The following WDR59 variants were observed in gnomAD, a reference collection of about 807,000 sequenced individuals.
The protein encoded by WDR59 is WD repeat domain 59.
Under a neutral mutation model 131.2 loss-of-function variants are expected in WDR59, and 100 were observed. The observed-to-expected ratio is 0.76, with a 90% CI of 0.65 to 0.90. WDR59 has a LOEUF of 0.90. Ranked by LOEUF, WDR59 falls within the 40% of genes least tolerant of loss-of-function variation. The probability of loss-of-function intolerance (pLI) is 0.00; values close to 1 mark genes in which losing one functional copy is unlikely to be tolerated. For missense variants in WDR59, 1,203 were observed against 1,262.2 expected, an observed-to-expected ratio of 0.95 and a Z score of 0.71; for synonymous variants, 601 against 466.2, an observed-to-expected ratio of 1.29 and a Z score of -3.72.
intron 25 of WDR59, among the ~76,000 whole-genome samples, chr16:74,876,572 C>T (rs1439659081): frequency 6.6e-6 from 1 of 152,108 alleles, no homozygotes; most frequent in Admixed American, 6.6e-5. Context: ...TACAGTGAAT[C>T]GGATTAAATA....
chr16:74,892,646 G>A, intron 19 of WDR59, 81 bp from the exon 20 acceptor site: 1 of 1,161,066 alleles, frequency 8.6e-7, no homozygotes. Flanking sequence ...ACAGACAGAT[G>A]AGAACCTGAC....
chr16:74,916,816 G>A (rs536198318), intron 11 of WDR59, among the ~76,000 whole-genome samples: 2 of 150,642 alleles, frequency 1.3e-5, no homozygotes, highest in East Asian at 2.0e-4. Flanking sequence ...CAAAGATCAC[G>A]TGGCTGCACT....
In WDR59 at chr16:74,978,614, T is replaced by C. The variant is rs181017981; in HGVS notation, c.54+6350A>G. Among the ~76,000 whole-genome samples the C allele has an allele frequency of 5.3e-5, 8 of 152,312 alleles. No individual in the cohort carries two copies. The East Asian group carries it at 5.8e-4, about 11-fold the overall frequency. On this transcript the variant is annotated intron_variant, in intron 1 of 25. Coordinates refer to ENST00000262144, the MANE Select transcript of WDR59 (RefSeq NM_030581.4). ...AGCTGCCAGAGATAAGGGATGGAGA[T>C]TGAGTACACAGGGGGACCAAGGAAC...
At chr16:74,912,671 A>C (rs372714161) in intron 13 of WDR59, among the ~76,000 whole-genome samples, 1 of 152,220 alleles carries the variant, frequency 6.6e-6, no homozygotes, top group Admixed American at 6.5e-5. Flanking sequence ...GTGGAGTGGG[A>C]AATCAGGGGT....
intron 19 of WDR59, 115 bp downstream of exon 19, chr16:74,893,564 T>C (rs1020413211): frequency 7.8e-6 from 9 of 1,155,138 alleles, no homozygotes; most frequent in Middle Eastern, 4.1e-4. Flanking sequence ...AGCTAATACA[T>C]TGGGCTTTTC....
At chr16:74,892,030 A>C (rs1965069613) in intron 20 of WDR59, among the ~76,000 whole-genome samples, 1 of 152,204 alleles carries the variant, frequency 6.6e-6, no homozygotes, top group African/African-American at 2.4e-5. Flanking sequence ...ATACAGAGAT[A>C]ATTTGTTATA....
Position 74,916,208 on chromosome 16 carries a change from A to C in WDR59, c.1018T>G (p.Ser340Ala). The change falls in exon 12 of 26, where the codon TCC becomes GCC. Residue 340 changes from serine (S) to alanine (A), a missense_variant. Coordinates refer to ENST00000262144, the MANE Select transcript of WDR59 (RefSeq NM_030581.4). ...GTCTTCTCAGGTTCCGGCAGAAGGGAAATACTCTCAATGAACTCATCAACA... is the reference window on the plus strand; with the variant it reads ...GTCTTCTCAGGTTCCGGCAGAAGGGCAATACTCTCAATGAACTCATCAACA... ...DGVDEFIESI[S>A]LLPEPEKTLH... 1 of 1,614,016 alleles carries C rather than the reference A, an allele frequency of 6.2e-7. No individual in the cohort carries two copies. The highest frequency in any genetic ancestry group is 8.5e-7 in the Non-Finnish European group (1 of 1,179,928).
Position 74,985,066 on chromosome 16 carries a change from C to T in WDR59, c.-49G>A. Reference sequence around the variant, plus strand: ...CCCAGGACGGCGCCCTCCCACCCCGCCGTCCCCAGTATCCCGGGACCGTGC... The same window carrying T: ...CCCAGGACGGCGCCCTCCCACCCCGTCGTCCCCAGTATCCCGGGACCGTGC... On this transcript the variant is annotated 5_prime_UTR_variant, in exon 1 of 26. Coordinates refer to ENST00000262144, the MANE Select transcript of WDR59 (RefSeq NM_030581.4). 1 of 1,525,142 alleles carries T rather than the reference C, an allele frequency of 6.6e-7. No individual in the cohort carries two copies. Among genetic ancestry groups the T allele is most frequent in the South Asian group, 1.2e-5 (1 of 83,750 alleles). 94.5% of individuals were successfully genotyped at this position (1,525,142 alleles called of 1,614,324 possible).
intron 6 of WDR59, among the ~76,000 whole-genome samples, chr16:74,943,836 C>A (rs1246872870): frequency 6.6e-6 from 1 of 152,168 alleles, no homozygotes; most frequent in Non-Finnish European, 1.5e-5. Context: ...GCATTAAGCC[C>A]AGAACTTGGT....
intron 2 of WDR59, among the ~76,000 whole-genome samples, chr16:74,962,264 C>A (rs548653003): frequency 6.6e-6 from 1 of 152,230 alleles, no homozygotes; most frequent in East Asian, 1.9e-4. Flanking sequence ...ATTGTCTTGG[C>A]TATACAGGCT....
intron 8 of WDR59, among the ~76,000 whole-genome samples, chr16:74,937,641 A>G (rs779665011): frequency 3.9e-5 from 6 of 152,112 alleles, no homozygotes; most frequent in Non-Finnish European, 5.9e-5. Context: ...AGATGGAATT[A>G]CAGGTGTGCG....
intron 17 of WDR59, 41 bp from the exon 18 acceptor site, chr16:74,904,141 C>G: frequency 6.3e-7 from 1 of 1,589,236 alleles, no homozygotes; most frequent in Non-Finnish European, 8.6e-7. Flanking sequence ...GGCTGCAGTC[C>G]TGTCATATTT....
chr16:74,901,123 T>C (rs1034875069), intron 18 of WDR59, among the ~76,000 whole-genome samples: 2 of 151,792 alleles, frequency 1.3e-5, no homozygotes, highest in African/African-American at 4.8e-5. Flanking sequence ...AAAAACTCTA[T>C]ACTGGCTGGG....
At chr16:74,883,485 T>C (rs1469076283) in intron 25 of WDR59, among the ~76,000 whole-genome samples, 1 of 152,172 alleles carries the variant, frequency 6.6e-6, no homozygotes, top group African/African-American at 2.4e-5. Flanking sequence ...AGATTCCAAA[T>C]GTTACTGCCA....
At chr16:74,925,729 A>G (rs1400125131) in intron 8 of WDR59, among the ~76,000 whole-genome samples, 2 of 152,086 alleles carry the variant, frequency 1.3e-5, no homozygotes, top group East Asian at 1.9e-4. Context: ...TGCATATGTT[A>G]TATTTCACAG....
At position 74,885,591 on chromosome 16, in the gene WDR59, G is replaced by T. The variant is rs1275851527; in HGVS notation, c.2689+62C>A. 4 of 1,580,166 alleles carry T rather than the reference G, an allele frequency of 2.5e-6. No homozygotes were observed. In the African/African-American group the frequency reaches 4.1e-5, roughly 16 times the overall value. On this transcript the variant is annotated intron_variant, in intron 25 of 25. Transcript: ENST00000262144. ...AACTTCATTCCAAGTCTGAGGCTGT[G>T]GACATATTAAATTACAGGATCTTTC...
chr16:74,879,645 C>T (rs1164842449), intron 25 of WDR59, among the ~76,000 whole-genome samples: 8 of 152,030 alleles, frequency 5.3e-5, no homozygotes, highest in Admixed American at 4.6e-4. Flanking sequence ...CAGTTTAACA[C>T]GTTATATACA....
chr16:74,878,592 GC>G (rs66816346), intron 25 of WDR59, among the ~76,000 whole-genome samples: 33,270 of 152,076 alleles, frequency 0.22, 4,565 homozygotes, highest in East Asian at 0.49. Flanking sequence ...GTTACAGTGA[GC>G]CAAGACTGTA....
chr16:74,900,326 A>G (rs1047979680), intron 18 of WDR59, among the ~76,000 whole-genome samples: 2 of 152,020 alleles, frequency 1.3e-5, no homozygotes, highest in Non-Finnish European at 2.9e-5. Context: ...AACCCTGGAG[A>G]AACGGGGGGA....
Sources: allele counts gnomAD v4.1 joint callset (sites outside exome capture counted in the v4.1 genomes callset), GRCh38; gene constraint gnomAD v4.1.1; transcripts MANE v1.5; gene names NCBI Gene and HGNC (gene_info 2026-07-23, HGNC 2026-07-21).